Variants in SLC2A9 observed in about 807,000 individuals in gnomAD.
SLC2A9 encodes the protein solute carrier family 2 member 9.
Under a neutral mutation model 50.6 loss-of-function variants are expected in SLC2A9, and 39 were observed. That is an observed-to-expected ratio of 0.77 (90% CI 0.60 to 1.01). SLC2A9 has a LOEUF of 1.01. Ranked by LOEUF, SLC2A9 falls within the 50% of genes least tolerant of loss-of-function variation. The pLI, the probability that SLC2A9 is intolerant of heterozygous loss-of-function variation, is 0.00. For synonymous variants in SLC2A9, 324 were observed against 276.9 expected, an observed-to-expected ratio of 1.17 and a Z score of -1.69; for missense variants, 686 against 677.6, an observed-to-expected ratio of 1.01 and a Z score of -0.14.
At chr4:9,782,913 T>G (rs1407435036) in intron 3 of SLC2A9, 1 of 1,614,008 alleles carries the variant, frequency 6.2e-7, no homozygotes, top group African/African-American at 1.3e-5. Context: ...ACCAAGGTTC[T>G]CAAGACCCTG....
chr4:9,935,560 C>T (rs1450287649), intron 6 of SLC2A9, among the ~76,000 whole-genome samples: 10 of 152,124 alleles, frequency 6.6e-5, no homozygotes, highest in Non-Finnish European at 1.3e-4. Context: ...GAAACACAGC[C>T]CAGAGAGGTG....
intron 1 of SLC2A9, among the ~76,000 whole-genome samples, chr4:10,034,052 A>T (rs1764020212): frequency 6.6e-6 from 1 of 152,154 alleles, no homozygotes; most frequent in African/African-American, 2.4e-5. Context: ...ATCTTCCCTG[A>T]TCTGAGCCAG....
rs150232060 is a variant in SLC2A9, at chr4:9,895,753, G to A, written c.1114-5042C>T. Among the ~76,000 whole-genome samples, 397 of 152,304 alleles carry A rather than the reference G, an allele frequency of 2.6e-3. 1 individual carries two copies. The highest frequency in any genetic ancestry group is 9.0e-3 in the African/African-American group (376 of 41,564). The stretch of plus-strand genomic sequence containing the variant: ...TGAATTGCACAGTCTTGTATGTTTT[G>A]ACAAATGTATATACCTTATAACCAC... On this transcript the variant is annotated intron_variant, in intron 8 of 11. Transcript: ENST00000264784.
intron 3 of SLC2A9, among the ~76,000 whole-genome samples, chr4:9,787,270 C>T (rs115359730): frequency 0.013 from 1,904 of 152,318 alleles, 23 homozygotes; most frequent in Admixed American, 0.019. Context: ...AAATCATATT[C>T]AAGGGGAGGT....
At chr4:9,802,508 T>G (rs1006263911) in intron 3 of SLC2A9, among the ~76,000 whole-genome samples, 15 of 151,908 alleles carry the variant, frequency 9.9e-5, no homozygotes, top group African/African-American at 3.1e-4. Context: ...ATAATTAGCA[T>G]ATTAATCTCT....
chr4:9,872,885 A>G (rs554275605), intron 10 of SLC2A9, among the ~76,000 whole-genome samples: 1 of 152,230 alleles, frequency 6.6e-6, no homozygotes, highest in Non-Finnish European at 1.5e-5. Context: ...GTGTTTCTCT[A>G]TGATTTGACT....
chr4:9,785,065 T>C (rs1039249964), intron 3 of SLC2A9, among the ~76,000 whole-genome samples: 1 of 152,236 alleles, frequency 6.6e-6, no homozygotes, highest in African/African-American at 2.4e-5. Context: ...GAGGTCCGTG[T>C]TCAGTTTCTG....
intron 3 of SLC2A9, chr4:9,995,648 G>C (rs140117367): frequency 6.6e-6 from 1 of 152,206 alleles, no homozygotes; most frequent in Non-Finnish European, 1.5e-5. Flanking sequence ...TCAAGGTGAT[G>C]ATGAGGGAAA....
chr4:9,790,837 C>A (rs1373464578), intron 3 of SLC2A9, among the ~76,000 whole-genome samples: 1 of 152,188 alleles, frequency 6.6e-6, no homozygotes, highest in Non-Finnish European at 1.5e-5. Context: ...TCTTCACTAT[C>A]CTTAGGCATG....
exon 4 of SLC2A9, chr4:9,799,106 A>C (rs1404202769): frequency 4.6e-5 from 7 of 152,180 alleles, no homozygotes; most frequent in Admixed American, 4.6e-4. Flanking sequence ...AGTGCAGGTA[A>C]GCAAGATAAA....
intron 6 of SLC2A9, among the ~76,000 whole-genome samples, chr4:9,927,189 C>CTGACTGATTTTT (rs113775242): frequency 6.6e-6 from 1 of 151,796 alleles, no homozygotes; most frequent in South Asian, 2.1e-4. Flanking sequence ...GCCACCACGC[C>CTGACTGATTTTT]TGTATTTAGT....
At chr4:9,918,062 G>A (rs931806411) in intron 7 of SLC2A9, among the ~76,000 whole-genome samples, 5 of 151,960 alleles carry the variant, frequency 3.3e-5, no homozygotes, top group Admixed American at 2.0e-4. Context: ...TGAGTCACAC[G>A]TCCTTCATCT....
intron 2 of SLC2A9, among the ~76,000 whole-genome samples, chr4:10,018,629 T>G (rs1186993474): frequency 1.3e-5 from 2 of 150,218 alleles, no homozygotes; most frequent in South Asian, 4.2e-4. Flanking sequence ...TGTCCAAGTT[T>G]CCATGCATAA....
chr4:9,787,136 C>T (rs901302512), intron 3 of SLC2A9, among the ~76,000 whole-genome samples: 3 of 152,200 alleles, frequency 2.0e-5, no homozygotes, highest in African/African-American at 7.2e-5. Flanking sequence ...GGCACATGAA[C>T]CACACAGAGC....
intron 10 of SLC2A9, among the ~76,000 whole-genome samples, chr4:9,870,623 C>T (rs761924803): frequency 1.3e-5 from 2 of 152,172 alleles, no homozygotes; most frequent in Non-Finnish European, 2.9e-5. Context: ...AAGTTTCAGG[C>T]GATAAGCTCA....
chr4:9,800,544 A>G (rs1721255424), intron 3 of SLC2A9, among the ~76,000 whole-genome samples: 1 of 152,198 alleles, frequency 6.6e-6, no homozygotes, highest in South Asian at 2.1e-4. Flanking sequence ...TCGGACATCT[A>G]TCCTCCAGAA....
intron 11 of SLC2A9, among the ~76,000 whole-genome samples, chr4:9,828,061 A>C (rs1170037497): frequency 1.3e-5 from 2 of 152,222 alleles, no homozygotes; most frequent in African/African-American, 4.8e-5. Context: ...TATCAAGTCC[A>C]AAGTGGAGCC....
intron 3 of SLC2A9, among the ~76,000 whole-genome samples, chr4:9,803,053 G>A (rs1346383914): frequency 1.3e-5 from 2 of 152,242 alleles, no homozygotes; most frequent in Non-Finnish European, 2.9e-5. Flanking sequence ...TGCTTGGCAA[G>A]TGTATTGGCC....
chr4:9,925,856 G>C (rs1744793348), intron 6 of SLC2A9, among the ~76,000 whole-genome samples: 1 of 152,146 alleles, frequency 6.6e-6, no homozygotes, highest in African/African-American at 2.4e-5. Context: ...TGCATCAGCA[G>C]GGGGGCCAGT....
Sources: allele counts gnomAD v4.1 joint callset (sites outside exome capture counted in the v4.1 genomes callset), GRCh38; gene constraint gnomAD v4.1.1; transcripts MANE v1.5; gene names NCBI Gene and HGNC (gene_info 2026-07-23, HGNC 2026-07-21).